The following KDM4C variants were observed in gnomAD, a reference collection of about 807,000 sequenced individuals.
KDM4C encodes the protein lysine demethylase 4C, also known as lysine-specific demethylase 4C.
Under a neutral mutation model 129.3 loss-of-function variants are expected in KDM4C, and 81 were observed. The ratio of observed to expected loss-of-function variants is 0.63; its 90% CI spans 0.52 to 0.75. KDM4C has a LOEUF of 0.75. Among genes scored for constraint, KDM4C ranks in the 30% least tolerant of loss-of-function variants. KDM4C has a pLI of 0.00. For synonymous variants in KDM4C, 573 were observed against 456.1 expected, an observed-to-expected ratio of 1.26 and a Z score of -3.26; for missense variants, 1,457 against 1,304.0, an observed-to-expected ratio of 1.12 and a Z score of -1.81.
intron 8 of KDM4C, among the ~76,000 whole-genome samples, chr9:6,967,095 A>C (rs1220489798): frequency 2.0e-5 from 3 of 152,152 alleles, no homozygotes; most frequent in Non-Finnish European, 4.4e-5. Context: ...TCATGAAGTG[A>C]CTAAAGCATC....
intron 17 of KDM4C, chr9:7,076,583 A>C: frequency 6.7e-7 from 1 of 1,500,282 alleles, no homozygotes; most frequent in Non-Finnish European, 8.9e-7. Flanking sequence ...AGCAGCCAGC[A>C]TCGTGTTTAG....
intron 6 of KDM4C, among the ~76,000 whole-genome samples, chr9:6,883,031 C>G (rs1844717822): frequency 1.3e-5 from 2 of 152,108 alleles, no homozygotes; most frequent in Admixed American, 1.3e-4. Context: ...CATCAAATCC[C>G]CTGAGATCGT....
chr9:7,149,209 G>T (rs1180752933), intron 19 of KDM4C, among the ~76,000 whole-genome samples: 4 of 152,362 alleles, frequency 2.6e-5, no homozygotes, highest in Middle Eastern at 3.4e-3. Flanking sequence ...AGACAGTCTG[G>T]GGTCTGGTGT....
rs968650077 is a variant in KDM4C, at chr9:6,983,105, A to C, written c.1116-1061A>C. 1.1e-4 allele frequency among the ~76,000 whole-genome samples: 16 copies of C among 152,226 alleles called. 1 individual carries two copies. Among genetic ancestry groups the C allele is most frequent in the African/African-American group, 3.9e-4 (16 of 41,440 alleles). On this transcript the variant is annotated intron_variant, in intron 9 of 21. Transcript: ENST00000381309. ...CAATGCATGGATTTGCAACAAAAGC[A>C]ATGATGGTGATGATCATACTACTGC...
At chr9:7,009,851 T>A (rs1285145280) in intron 12 of KDM4C, among the ~76,000 whole-genome samples, 2 of 152,156 alleles carry the variant, frequency 1.3e-5, no homozygotes, top group Non-Finnish European at 2.9e-5. Context: ...TTTTTTTCAA[T>A]AAATACATTA....
intron 12 of KDM4C, among the ~76,000 whole-genome samples, chr9:7,002,971 C>A (rs1025643997): frequency 6.6e-6 from 1 of 152,218 alleles, no homozygotes; most frequent in African/African-American, 2.4e-5. Context: ...AGTGATTCTC[C>A]TGTCTCAGCC....
In KDM4C at chr9:6,859,503, C is replaced by A. The variant is rs146823877; in HGVS notation, c.629+9803C>A. ...AAAAAAAAAAAAAAAAAAAAGAAAT[C>A]GTCTCTGGTAACACAGACGACAGAT... On this transcript the variant is annotated intron_variant, in intron 5 of 21. Coordinates refer to ENST00000381309, the MANE Select transcript of KDM4C (RefSeq NM_015061.6). Among the ~76,000 whole-genome samples, 846 of 134,572 alleles carry A rather than the reference C, an allele frequency of 6.3e-3. 11 individuals carry two copies. The highest frequency in any genetic ancestry group is 0.023 in the African/African-American group (809 of 35,666). 88.3% of individuals were successfully genotyped at this position (134,572 alleles called of 152,430 possible).
intron 17 of KDM4C, among the ~76,000 whole-genome samples, chr9:7,064,129 T>C (rs913483620): frequency 3.9e-5 from 6 of 152,222 alleles, no homozygotes; most frequent in Non-Finnish European, 7.3e-5. Flanking sequence ...TAGATACAAC[T>C]ATAGTTTTGG....
intron 18 of KDM4C, among the ~76,000 whole-genome samples, chr9:7,121,568 G>A (rs1839490536): frequency 6.6e-6 from 1 of 152,200 alleles, no homozygotes; most frequent in Non-Finnish European, 1.5e-5. Context: ...TGGAAACGGG[G>A]AGGAGTGAAG....
intron 8 of KDM4C, chr9:6,893,653 A>G (rs1241841628): frequency 6.5e-6 from 1 of 153,306 alleles, no homozygotes; most frequent in Non-Finnish European, 1.5e-5. Context: ...CAAGAGATGG[A>G]GGGAGGTTGG....
At chr9:7,073,148 ATCT>A (rs1201255419) in intron 17 of KDM4C, among the ~76,000 whole-genome samples, 2 of 152,176 alleles carry the variant, frequency 1.3e-5, no homozygotes, top group Admixed American at 6.5e-5. Context: ...CAGGGGTGGA[ATCT>A]TCTTCTTAGA....
chr9:6,805,505 G>A (rs999250897), intron 2 of KDM4C, 94 bp from the exon 3 acceptor site: 9 of 685,296 alleles, frequency 1.3e-5, no homozygotes, highest in South Asian at 3.2e-5. Context: ...GAGATACTGA[G>A]AAATTCTTCA....
intron 8 of KDM4C, among the ~76,000 whole-genome samples, chr9:6,966,287 A>G (rs1165124089): frequency 6.6e-6 from 1 of 151,950 alleles, no homozygotes. Context: ...GGTTCACGCC[A>G]TTCTCCTGCC....
intron 12 of KDM4C, among the ~76,000 whole-genome samples, chr9:6,993,481 T>G (rs1257677369): frequency 6.6e-6 from 1 of 152,202 alleles, no homozygotes; most frequent in Non-Finnish European, 1.5e-5. Flanking sequence ...CCTAGACTGA[T>G]AAGCAAAGCT....
In KDM4C at chr9:6,834,071, C is replaced by T. The variant is rs372659373; in HGVS notation, c.436-15436C>T. On this transcript the variant is annotated intron_variant, in intron 4 of 21. Transcript: ENST00000381309. ...TTTTTTTTTTTTTAAGATAGTCTTG[C>T]TCTGTCACCTAGGCTGGGGTGCAGT... Among the ~76,000 whole-genome samples the T allele has an allele frequency of 5.4e-4, 27 of 49,604 alleles. No individual in the cohort carries two copies. In the East Asian group the frequency reaches 8.0e-3, roughly 15 times the overall value. The allele number at this position is 49,604 out of a possible 152,430, so 32.5% of individuals were successfully genotyped here.
At chr9:6,860,676 A>G (rs1240253813) in intron 5 of KDM4C, among the ~76,000 whole-genome samples, 1 of 152,226 alleles carries the variant, frequency 6.6e-6, no homozygotes, top group African/African-American at 2.4e-5. Context: ...GTCTGAGCCC[A>G]GCTTCTGAAG....
intron 5 of KDM4C, among the ~76,000 whole-genome samples, chr9:6,869,734 G>T (rs1239068058): frequency 1.3e-5 from 2 of 152,210 alleles, no homozygotes; most frequent in Admixed American, 6.5e-5. Context: ...TATGTTCTTG[G>T]GGGAGGGAAC....
At chr9:6,990,135 C>T (rs928586455) in intron 11 of KDM4C, among the ~76,000 whole-genome samples, 1 of 152,084 alleles carries the variant, frequency 6.6e-6, no homozygotes, top group Admixed American at 6.6e-5. Flanking sequence ...AACTGCTGAG[C>T]TTATTGCAGG....
intron 1 of KDM4C, among the ~76,000 whole-genome samples, chr9:6,768,546 C>G (rs913594574): frequency 3.9e-5 from 6 of 152,090 alleles, no homozygotes; most frequent in Non-Finnish European, 8.8e-5. Flanking sequence ...TGATACATTA[C>G]TATCATCTAA....
Sources: gnomAD v4.1 joint callset for allele counts (sites outside exome capture counted in the v4.1 genomes callset) on GRCh38, gnomAD v4.1.1 for gene constraint, MANE v1.5 for transcripts, NCBI Gene and HGNC (gene_info 2026-07-23, HGNC 2026-07-21) for gene names.